SASS6: variants seen among roughly 807,000 people sequenced by gnomAD.
The protein encoded by SASS6 is SAS-6 centriolar assembly protein, also known as spindle assembly abnormal protein 6 homolog.
SASS6 carries 59 observed loss-of-function variants against 94.9 expected under a neutral mutation model. The observed-to-expected ratio is 0.62, with a 90% CI of 0.50 to 0.77. The LOEUF (loss-of-function observed/expected upper bound fraction) is 0.77, where lower values mean the gene tolerates loss of function less well. SASS6 is among the 30% of genes least tolerant of loss of function. SASS6 has a pLI of 0.00. For missense variants in SASS6, 698 were observed against 734.1 expected (o/e 0.95, Z 0.57); for synonymous variants, 264 against 270.0 (o/e 0.98, Z 0.22).
intron 15 of SASS6, among the ~76,000 whole-genome samples, chr1:100,087,777 A>G (rs1323878285): frequency 6.6e-6 from 1 of 152,216 alleles, no homozygotes; most frequent in Non-Finnish European, 1.5e-5. Flanking sequence ...ACATAGCCAT[A>G]TAAGAAAACA....
At chr1:100,123,486 T>C (rs567478504) in intron 2 of SASS6, among the ~76,000 whole-genome samples, 197 bp from the exon 3 acceptor site, 1 of 152,314 alleles carries the variant, frequency 6.6e-6, no homozygotes, top group African/African-American at 2.4e-5. Context: ...TTCCGCTCTT[T>C]AAAAGCCACA....
At chr1:100,091,810 T>C (rs1214471819) in intron 14 of SASS6, among the ~76,000 whole-genome samples, 1 of 151,216 alleles carries the variant, frequency 6.6e-6, no homozygotes, top group Admixed American at 6.6e-5. Flanking sequence ...CAGAAGGTTG[T>C]GGACCTTTAG....
chr1:100,122,530 CTTTGT>C (rs1360001864), intron 3 of SASS6, 46 bp from the exon 4 acceptor site: 12 of 492,102 alleles, frequency 2.4e-5, no homozygotes, highest in Admixed American at 1.4e-4. Flanking sequence ...TTTTAATTAA[CTTTGT>C]TTTGTTTTGG....
intron 14 of SASS6, among the ~76,000 whole-genome samples, chr1:100,090,784 C>A (rs1434335217): frequency 1.3e-5 from 2 of 151,968 alleles, no homozygotes; most frequent in Non-Finnish European, 2.9e-5. Flanking sequence ...GAAGGGGGAC[C>A]CTAAGGGCAC....
intron 7 of SASS6, among the ~76,000 whole-genome samples, chr1:100,111,276 A>T (rs1653311322): frequency 6.6e-6 from 1 of 152,062 alleles, no homozygotes; most frequent in South Asian, 2.1e-4. Context: ...CCACATAAAC[A>T]CACAATATAC....
In SASS6 at chr1:100,120,418, A is replaced by G. The variant is rs774913879; in HGVS notation, c.525T>C (p.Thr175=). ...LSLMQSLDDA[T]KQLDFTRKTL... ...CCTTTCGTGTAAAGTCCAGTTGCTT[A>G]GTAGCATCATCTAGTGATTGCATCA... Residue 175 remains threonine, a synonymous_variant, in exon 6 of 17, where the codon ACT becomes ACC. Transcript: ENST00000287482. The G allele has an allele frequency of 1.3e-6, 2 of 1,531,990 alleles. No homozygotes were observed. Among genetic ancestry groups the G allele is most frequent in the Non-Finnish European group, 1.8e-6 (2 of 1,106,386 alleles). The allele number at this position is 1,531,990 out of a possible 1,614,324, so 94.9% of individuals were successfully genotyped here.
At chr1:100,117,602 G>A (rs569853578) in intron 7 of SASS6, among the ~76,000 whole-genome samples, 53 of 151,146 alleles carry the variant, frequency 3.5e-4, no homozygotes, top group South Asian at 1.3e-3. Context: ...GCAGTGAGCC[G>A]AGATAGTGCC....
chr1:100,088,166 C>CTAA lies in SASS6; in HGVS notation c.1742_1744dup (p.Ile581dup). 6.3e-7 allele frequency: 1 copy of CTAA among 1,599,810 alleles called. No homozygotes were observed. Among genetic ancestry groups the CTAA allele is most frequent in the Non-Finnish European group, 8.6e-7 (1 of 1,167,342 alleles). ...TTCCTTATCAGTTGAGCAAGGCATA[C>CTAA]TAATAGTTGCTCCTGACTGAACATC... On this transcript the variant is annotated inframe_insertion, in exon 15 of 17. Transcript: ENST00000287482.
intron 15 of SASS6, among the ~76,000 whole-genome samples, chr1:100,087,822 C>A (rs941901806): frequency 6.6e-6 from 1 of 152,070 alleles, no homozygotes; most frequent in East Asian, 1.9e-4. Context: ...TTAAAAATTT[C>A]TATGAATATG....
At chr1:100,090,449 G>C (rs1292550098) in intron 14 of SASS6, among the ~76,000 whole-genome samples, 4 of 152,136 alleles carry the variant, frequency 2.6e-5, no homozygotes. Context: ...AAACTCCTAA[G>C]CGTCAAAGAG....
At chr1:100,112,361 T>C (rs1653412784) in intron 7 of SASS6, among the ~76,000 whole-genome samples, 1 of 152,004 alleles carries the variant, frequency 6.6e-6, no homozygotes, top group Non-Finnish European at 1.5e-5. Context: ...AAGAAAATAA[T>C]ACAATAAATA....
intron 1 of SASS6, among the ~76,000 whole-genome samples, chr1:100,126,584 C>T (rs1391910342): frequency 5.3e-5 from 8 of 152,074 alleles, no homozygotes; most frequent in African/African-American, 1.9e-4. Context: ...TGGAGACCAG[C>T]CTGTTAACAC....
At chr1:100,085,505 A>G (rs755313001) in intron 16 of SASS6, 31 bp downstream of exon 16, 3 of 1,581,480 alleles carry the variant, frequency 1.9e-6, no homozygotes, top group Admixed American at 3.4e-5. Flanking sequence ...ATTCAACTAT[A>G]AAGTACAAAA....
At chr1:100,118,427 G>T in intron 7 of SASS6, among the ~76,000 whole-genome samples, 1 of 152,028 alleles carries the variant, frequency 6.6e-6, no homozygotes, top group East Asian at 1.9e-4. Flanking sequence ...TAGTCTTTTT[G>T]GGTGGCAAAT....
chr1:100,124,218 T>C (rs772443456), intron 2 of SASS6, among the ~76,000 whole-genome samples: 1 of 152,226 alleles, frequency 6.6e-6, no homozygotes, highest in Non-Finnish European at 1.5e-5. Flanking sequence ...ATTAGTAATT[T>C]AGGCACCTGC....
At chr1:100,126,468 C>T (rs149567942) in intron 1 of SASS6, among the ~76,000 whole-genome samples, 1 of 152,274 alleles carries the variant, frequency 6.6e-6, no homozygotes, top group East Asian at 1.9e-4. Flanking sequence ...TAATGAGAGA[C>T]TGATTGCATT....
At chr1:100,122,161 A>G (rs1420713403) in intron 4 of SASS6, among the ~76,000 whole-genome samples, 2 of 152,250 alleles carry the variant, frequency 1.3e-5, no homozygotes, top group African/African-American at 4.8e-5. Context: ...AATATTTCGG[A>G]TGACTTTAGT....
At chr1:100,094,462 G>C (rs1651973892) in intron 14 of SASS6, among the ~76,000 whole-genome samples, 1 of 152,206 alleles carries the variant, frequency 6.6e-6, no homozygotes, top group African/African-American at 2.4e-5. Context: ...TATGAGGCCA[G>C]TATTGTCCTG....
chr1:100,098,973 T>C (rs551111536), intron 14 of SASS6, among the ~76,000 whole-genome samples: 1 of 152,312 alleles, frequency 6.6e-6, no homozygotes, highest in East Asian at 1.9e-4. Flanking sequence ...AACAGTATTT[T>C]TCTCTAAGAG....
Sources: gnomAD v4.1 joint callset for allele counts (sites outside exome capture counted in the v4.1 genomes callset) on GRCh38, gnomAD v4.1.1 for gene constraint, MANE v1.5 for transcripts, NCBI Gene and HGNC (gene_info 2026-07-23, HGNC 2026-07-21) for gene names.